CTNNA3: variants seen among roughly 807,000 people sequenced by gnomAD.
The protein encoded by CTNNA3 is catenin alpha-3.
CTNNA3 carries 76 observed loss-of-function variants against 95.7 expected under a neutral mutation model. That is an observed-to-expected ratio of 0.79 (90% CI 0.66 to 0.96). The LOEUF (loss-of-function observed/expected upper bound fraction) is 0.96. CTNNA3 is among the 40% of genes least tolerant of loss of function. The pLI, the probability that CTNNA3 is intolerant of heterozygous loss-of-function variation, is 0.00. For missense variants in CTNNA3, 1,191 were observed against 1,089.8 expected, an observed-to-expected ratio of 1.09 and a Z score of -1.31; for synonymous variants, 431 against 374.4, an observed-to-expected ratio of 1.15 and a Z score of -1.74.
chr10:66,905,114 A>T (rs1169630220), intron 7 of CTNNA3, among the ~76,000 whole-genome samples: 3 of 152,202 alleles, frequency 2.0e-5, no homozygotes, highest in Non-Finnish European at 2.9e-5. Context: ...AAGACTTGGA[A>T]CCAACCCAAA....
At chr10:65,945,888 A>C (rs1373787637) in intron 17 of CTNNA3, among the ~76,000 whole-genome samples, 1 of 152,182 alleles carries the variant, frequency 6.6e-6, no homozygotes, top group Non-Finnish European at 1.5e-5. Context: ...CGTAATACTC[A>C]CAGAAATGAA....
rs771411945 is a variant in CTNNA3, at chr10:65,933,127, A to AT, written c.2401-12511dup. Among the ~76,000 whole-genome samples the AT allele has an allele frequency of 2.6e-5, 4 of 152,104 alleles. 1 individual carries two copies. The highest frequency in any genetic ancestry group is 7.2e-5 in the African/African-American group (3 of 41,412). ...AACTGTTCAATTTGAATATCCATAGATAAAAAAAATACAACAATATAATGA... is the reference window on the plus strand; with the variant it reads ...AACTGTTCAATTTGAATATCCATAGATTAAAAAAAATACAACAATATAATGA... On this transcript the variant is annotated intron_variant, in intron 17 of 17. Transcript: ENST00000433211.
chr10:66,514,396 T>A (rs1840767371), intron 11 of CTNNA3, among the ~76,000 whole-genome samples: 1 of 152,046 alleles, frequency 6.6e-6, no homozygotes, highest in South Asian at 2.1e-4. Flanking sequence ...GTGAACATAT[T>A]TAAGAAAAAT....
chr10:66,386,927 C>A (rs1293413553), intron 11 of CTNNA3, among the ~76,000 whole-genome samples: 1 of 152,158 alleles, frequency 6.6e-6, no homozygotes, highest in Non-Finnish European at 1.5e-5. Flanking sequence ...CTTCCTTACA[C>A]CTTGTACAAA....
At position 67,074,034 on chromosome 10, in the gene CTNNA3, CT is replaced by C. The variant is rs35411851; in HGVS notation, c.1047+106282del. ...ATAATGCCAAGTAGCCATTTTAACT[CT>C]TTTTTTTTTTTTTTTTTTTGAGACA... On this transcript the variant is annotated intron_variant, in intron 7 of 17. Coordinates refer to ENST00000433211, the MANE Select transcript of CTNNA3 (RefSeq NM_013266.4). Among the ~76,000 whole-genome samples, 911 of 109,422 alleles carry C rather than the reference CT, an allele frequency of 8.3e-3. 2 individuals are homozygous for C. Among genetic ancestry groups the C allele is most frequent in the African/African-American group, 0.03 (850 of 28,718 alleles). The allele number at this position is 109,422 out of a possible 152,430, so 71.8% of individuals were successfully genotyped here. A position where few individuals can be genotyped will look rare whatever the true frequency, so the allele number is the denominator to read the frequency against.
At chr10:66,149,040 C>T (rs912742365) in intron 13 of CTNNA3, among the ~76,000 whole-genome samples, 98 of 150,560 alleles carry the variant, frequency 6.5e-4, no homozygotes, top group South Asian at 1.3e-3. Context: ...AATTTAACTA[C>T]GTAGTTAACA....
chr10:67,263,596 C>T (rs897349510), intron 5 of CTNNA3, among the ~76,000 whole-genome samples: 1 of 152,190 alleles, frequency 6.6e-6, no homozygotes, highest in African/African-American at 2.4e-5. Flanking sequence ...ATCTTCCACT[C>T]TCCAGCCTCC....
At chr10:67,337,338 T>G (rs1475589452) in intron 5 of CTNNA3, among the ~76,000 whole-genome samples, 1 of 152,166 alleles carries the variant, frequency 6.6e-6, no homozygotes, top group African/African-American at 2.4e-5. Flanking sequence ...GAATTAGAAG[T>G]GAAGCCTGAA....
At chr10:66,719,792 C>T (rs183153700) in intron 9 of CTNNA3, among the ~76,000 whole-genome samples, 38 of 152,196 alleles carry the variant, frequency 2.5e-4, no homozygotes, top group Admixed American at 1.4e-3. Context: ...CAGAGAGGGA[C>T]TTTGCTGTGG....
intron 17 of CTNNA3, among the ~76,000 whole-genome samples, chr10:65,956,542 T>G (rs2077735850): frequency 6.6e-6 from 1 of 152,210 alleles, no homozygotes; most frequent in Non-Finnish European, 1.5e-5. Context: ...TAAATTTCCC[T>G]CTACACACTG....
chr10:66,295,259 G>A (rs1198944312), intron 12 of CTNNA3, among the ~76,000 whole-genome samples: 2 of 152,144 alleles, frequency 1.3e-5, no homozygotes, highest in Non-Finnish European at 2.9e-5. Context: ...TAATGAAACT[G>A]CATTTATCTA....
At position 67,668,893 on chromosome 10, in the gene CTNNA3, C is replaced by T. The variant is rs149169177; in HGVS notation, c.-5-21375G>A. On this transcript the variant is annotated intron_variant, in intron 1 of 17. Transcript: ENST00000433211. ...TCACACTGTCACCCGGGCTGGAGTG[C>T]AATGGCGTGATCTCGGCTTACTGCA... Among the ~76,000 whole-genome samples the T allele has an allele frequency of 5.7e-3, 758 of 132,980 alleles. 17 individuals carry two copies. In the East Asian group the frequency reaches 0.078, roughly 14 times the overall value. The allele number at this position is 132,980 out of a possible 152,430, so 87.2% of individuals were successfully genotyped here.
chr10:66,891,415 A>G (rs559597018), intron 7 of CTNNA3, among the ~76,000 whole-genome samples: 2 of 152,238 alleles, frequency 1.3e-5, no homozygotes, highest in South Asian at 4.2e-4. Context: ...AGAAAGTCAA[A>G]CTTTTACACA....
At chr10:66,445,142 C>A (rs1194910972) in intron 11 of CTNNA3, among the ~76,000 whole-genome samples, 1 of 151,788 alleles carries the variant, frequency 6.6e-6, no homozygotes, top group Non-Finnish European at 1.5e-5. Context: ...TATACATGCA[C>A]CCAATACAGG....
chr10:66,614,901 C>A (rs1055833972), intron 10 of CTNNA3, among the ~76,000 whole-genome samples: 4 of 151,828 alleles, frequency 2.6e-5, no homozygotes, highest in Admixed American at 2.6e-4. Flanking sequence ...AGGGAAAATA[C>A]CCTAGGTTTT....
chr10:66,563,925 T>C lies in CTNNA3; in HGVS notation c.1375-43152A>G, dbSNP rs374939143. ...ACCTCCCCACTTTGAGTTATCCCGC[T>C]TTTCCAGACCAAACCAATGTACATC... On this transcript the variant is annotated intron_variant, in intron 10 of 17. Transcript: ENST00000433211. 5.3e-5 allele frequency among the ~76,000 whole-genome samples: 8 copies of C among 152,100 alleles called. No homozygotes were observed. In the East Asian group the frequency reaches 5.8e-4, roughly 11 times the overall value.
At chr10:66,472,546 T>A (rs540477548) in intron 11 of CTNNA3, among the ~76,000 whole-genome samples, 59 of 152,104 alleles carry the variant, frequency 3.9e-4, no homozygotes, top group African/African-American at 1.4e-3. Flanking sequence ...AATATATTTT[T>A]AAAGTTATAT....
intron 3 of CTNNA3, among the ~76,000 whole-genome samples, chr10:67,601,689 A>G (rs537227976): frequency 6.6e-6 from 1 of 152,338 alleles, no homozygotes; most frequent in East Asian, 1.9e-4. Context: ...TGCTATACGA[A>G]TATTCTAAAA....
intron 15 of CTNNA3, among the ~76,000 whole-genome samples, chr10:66,051,843 A>G (rs1228605496): frequency 6.6e-6 from 1 of 152,170 alleles, no homozygotes; most frequent in South Asian, 2.1e-4. Context: ...CCTGCAGATA[A>G]TAATTAGATT....
Sources: allele counts gnomAD v4.1 joint callset (sites outside exome capture counted in the v4.1 genomes callset), GRCh38; gene constraint gnomAD v4.1.1; transcripts MANE v1.5; gene names NCBI Gene and HGNC (gene_info 2026-07-23, HGNC 2026-07-21).